EXOSC7: variants seen among roughly 807,000 people sequenced by gnomAD.
EXOSC7 encodes the protein exosome complex component RRP42.
A neutral mutation model predicts 34.3 loss-of-function variants in EXOSC7; 25 were observed. That is an observed-to-expected ratio of 0.73 (90% confidence interval 0.53 to 1.02). The LOEUF is 1.02. Ranked by LOEUF, EXOSC7 falls within the 50% of genes least tolerant of loss-of-function variation. The probability of loss-of-function intolerance (pLI) is 0.00; values close to 1 mark genes in which losing one functional copy is unlikely to be tolerated. For synonymous variants in EXOSC7, 130 were observed against 143.0 expected (o/e 0.91, Z 0.65); for missense variants, 370 against 368.5 (o/e 1.00, Z -0.03).
intron 1 of EXOSC7, among the ~76,000 whole-genome samples, chr3:44,987,487 G>A (rs917514550): frequency 6.6e-5 from 10 of 152,344 alleles, no homozygotes; most frequent in Non-Finnish European, 1.0e-4. Context: ...CGGGAGAAGC[G>A]CTTGAACGCA....
intron 3 of EXOSC7, among the ~76,000 whole-genome samples, chr3:44,996,012 G>A (rs915734791): frequency 1.3e-5 from 2 of 152,060 alleles, no homozygotes; most frequent in African/African-American, 4.8e-5. Context: ...CCCTACTCCC[G>A]CTTCTACCTC....
chr3:45,012,656 C>T (rs1697319233), downstream of EXOSC7: 2 of 152,194 alleles, frequency 1.3e-5, no homozygotes, highest in South Asian at 4.1e-4. Flanking sequence ...AGTTTAGAAG[C>T]ATTTGCTTTT....
chr3:45,007,374 T>C lies in EXOSC7; in HGVS notation c.616-46T>C, dbSNP rs369387720. On this transcript the variant is annotated intron_variant, in intron 6 of 7. Transcript: ENST00000265564. ...CACGAGGCCATCAGGGGTGGGACTC[T>C]GGGGCCTGCGTGACCCACCGTGTGC... The C allele has an allele frequency of 6.5e-5, 105 of 1,608,356 alleles. No homozygotes were observed. In the African/African-American group the frequency reaches 1.2e-3, roughly 18 times the overall value.
At chr3:44,997,403 T>C in intron 4 of EXOSC7, 151 bp downstream of exon 4, 1 of 602,794 alleles carries the variant, frequency 1.7e-6, no homozygotes. Flanking sequence ...CCTATAATAA[T>C]TTTTTTAAAA....
intron 1 of EXOSC7, among the ~76,000 whole-genome samples, chr3:44,984,945 G>A (rs1244563195): frequency 6.6e-6 from 1 of 152,168 alleles, no homozygotes; most frequent in Non-Finnish European, 1.5e-5. Context: ...AGAGGGAAGG[G>A]GCTTGTCCTA....
At chr3:44,989,515 C>G (rs1176695235) in intron 2 of EXOSC7, 35 bp from the exon 3 acceptor site, 1 of 1,540,328 alleles carries the variant, frequency 6.5e-7, no homozygotes, top group Admixed American at 1.7e-5. Context: ...TGGCTGCATA[C>G]TCTGAGTGAG....
intron 1 of EXOSC7, among the ~76,000 whole-genome samples, chr3:44,982,257 C>A (rs1706291967): frequency 6.6e-6 from 1 of 152,212 alleles, no homozygotes; most frequent in Non-Finnish European, 1.5e-5. Flanking sequence ...GGTAGTATTT[C>A]ACGCCAAAAA....
At chr3:44,996,879 C>T (rs1235324709) in intron 3 of EXOSC7, among the ~76,000 whole-genome samples, 1 of 152,244 alleles carries the variant, frequency 6.6e-6, no homozygotes, top group African/African-American at 2.4e-5. Flanking sequence ...CACACACTGA[C>T]AAATCCAGGT....
downstream of EXOSC7, among the ~76,000 whole-genome samples, chr3:45,011,631 C>A (rs1417678171): frequency 1.3e-5 from 2 of 152,166 alleles, no homozygotes; most frequent in African/African-American, 4.8e-5. Flanking sequence ...AACTGGTTTA[C>A]AGGAAATGCT....
intron 2 of EXOSC7, 108 bp from the exon 3 acceptor site, chr3:44,989,442 A>G: frequency 1.1e-6 from 1 of 940,938 alleles, no homozygotes; most frequent in Middle Eastern, 2.4e-4. Flanking sequence ...AAGTCTTAGC[A>G]CTGCTCCTAA....
At chr3:44,996,132 G>T (rs1269258510) in intron 3 of EXOSC7, among the ~76,000 whole-genome samples, 2 of 152,166 alleles carry the variant, frequency 1.3e-5, no homozygotes, top group African/African-American at 2.4e-5. Flanking sequence ...GCAGGGCTGG[G>T]TGCCTTCCAG....
At chr3:44,986,308 G>C (rs1460757639) in intron 1 of EXOSC7, among the ~76,000 whole-genome samples, 3 of 152,236 alleles carry the variant, frequency 2.0e-5, no homozygotes, top group Non-Finnish European at 2.9e-5. Context: ...AAGAAATTGA[G>C]CACAGCAGCT....
At chr3:44,984,205 G>A (rs778350125) in intron 1 of EXOSC7, among the ~76,000 whole-genome samples, 12 of 152,160 alleles carry the variant, frequency 7.9e-5, no homozygotes, top group Non-Finnish European at 5.9e-5. Flanking sequence ...ATGTGGTGGC[G>A]CATGCCTGTA....
intron 1 of EXOSC7, among the ~76,000 whole-genome samples, chr3:44,978,530 T>G (rs760364498): frequency 6.6e-6 from 1 of 152,154 alleles, no homozygotes; most frequent in African/African-American, 2.4e-5. Flanking sequence ...ACTATAAATG[T>G]ACTTGAGTGT....
At position 45,002,473 on chromosome 3, in the gene EXOSC7, G is replaced by A. The variant is rs1706908813; in HGVS notation, c.491+865G>A. Among the ~76,000 whole-genome samples the A allele has an allele frequency of 2.0e-5, 3 of 152,226 alleles. No homozygotes were observed. The South Asian group carries it at 6.2e-4, about 32-fold the overall frequency. On this transcript the variant is annotated intron_variant, in intron 5 of 7. Transcript: ENST00000265564. ...TGGAAACAACCTGAGTTTCACAATG[G>A]AGGGGATTGAAGTCCACACAGCAGC...
chr3:45,000,936 A>G (rs1706857245), intron 4 of EXOSC7, among the ~76,000 whole-genome samples: 1 of 152,152 alleles, frequency 6.6e-6, no homozygotes, highest in South Asian at 2.1e-4. Context: ...TGTTGGTACC[A>G]CAGCCCTGCC....
chr3:44,994,856 GGTGT>G (rs34579096), intron 3 of EXOSC7, among the ~76,000 whole-genome samples: 11,964 of 134,712 alleles, frequency 0.089, 489 homozygotes, highest in South Asian at 0.11. Flanking sequence ...TGGAAGAATG[GGTGT>G]GTGTGTGTGT....
At chr3:44,994,950 G>A (rs1250103896) in intron 3 of EXOSC7, among the ~76,000 whole-genome samples, 9 of 150,158 alleles carry the variant, frequency 6.0e-5, no homozygotes, top group African/African-American at 1.2e-4. Context: ...CTTTAACCCA[G>A]TGTCAAAAAA....
At chr3:45,007,689 T>G in intron 7 of EXOSC7, 114 bp downstream of exon 7, 1 of 1,200,330 alleles carries the variant, frequency 8.3e-7, no homozygotes, top group Non-Finnish European at 1.1e-6. Flanking sequence ...ACCCCAAACT[T>G]GGAGATTTGG....
Sources: allele counts gnomAD v4.1 joint callset (sites outside exome capture counted in the v4.1 genomes callset), GRCh38; gene constraint gnomAD v4.1.1; transcripts MANE v1.5; gene names NCBI Gene and HGNC (gene_info 2026-07-23, HGNC 2026-07-21).